MED14: variants seen among roughly 807,000 people sequenced by gnomAD.
MED14 encodes mediator complex subunit 14.
MED14 carries 8 observed loss-of-function variants against 109.0 expected under a neutral mutation model. The observed-to-expected ratio is 0.07, with a 90% confidence interval of 0.04 to 0.13. The LOEUF (loss-of-function observed/expected upper bound fraction) is 0.13, where lower values mean the gene tolerates loss of function less well. Ranked by LOEUF, MED14 falls within the 10% of genes least tolerant of loss-of-function variation. The probability of loss-of-function intolerance (pLI) is 1.00; values close to 1 mark genes in which losing one functional copy is unlikely to be tolerated. For missense variants in MED14, 711 were observed against 1,142.4 expected, an observed-to-expected ratio of 0.62 and a Z score of 5.44; for synonymous variants, 399 against 408.7, an observed-to-expected ratio of 0.98 and a Z score of 0.29.
At chrX:40,709,771 A>G (rs1281898918) in intron 9 of MED14, among the ~76,000 whole-genome samples, 2 of 111,807 alleles carry the variant, frequency 1.8e-5, no homozygotes, top group Non-Finnish European at 3.8e-5. Context: ...AAATTATAAA[A>G]TATGAAAGAA....
Position 40,650,565 on chromosome X carries a change from T to G in MED14, c.*1241A>C, listed in dbSNP as rs1051411138. ...AAGACCTTTGCATCAGACCATGTTC[T>G]TTGAAGCTTAAAAAAGTCCCTGACT... On this transcript the variant is annotated 3_prime_UTR_variant, in exon 31 of 31. Coordinates refer to ENST00000324817, the MANE Select transcript of MED14 (RefSeq NM_004229.4). 3.2e-5 allele frequency: 24 copies of G among 752,244 alleles called. No homozygotes were observed. In the African/African-American group the frequency reaches 3.3e-4, roughly 10 times the overall value. 62.0% of individuals were successfully genotyped at this position (752,244 alleles called of 1,213,427 possible).
At chrX:40,735,575 C>T, upstream of MED14, 1 of 553,531 alleles carries the variant, frequency 1.8e-6, no homozygotes, top group Non-Finnish European at 3.1e-6. Context: ...AGCCCGCCCC[C>T]ATGTAGCGAG....
chrX:40,691,354 C>A (rs1490580863), intron 15 of MED14, among the ~76,000 whole-genome samples: 1 of 112,091 alleles, frequency 8.9e-6, no homozygotes. Flanking sequence ...AAATAAGCCA[C>A]CTGGCTATCA....
chrX:40,668,802 G>T (rs1010753629), intron 23 of MED14, among the ~76,000 whole-genome samples: 2 of 111,692 alleles, frequency 1.8e-5, no homozygotes, highest in African/African-American at 6.5e-5. Context: ...AACACTCTTA[G>T]CAGTAGATTG....
intron 15 of MED14, among the ~76,000 whole-genome samples, chrX:40,689,970 T>C (rs1038219121): frequency 1.8e-5 from 2 of 111,966 alleles, no homozygotes; most frequent in Middle Eastern, 4.6e-3. Flanking sequence ...TTAACCTACG[T>C]AGGCCTACAA....
chrX:40,652,395 T>C (rs969564362), intron 30 of MED14, among the ~76,000 whole-genome samples: 6 of 111,985 alleles, frequency 5.4e-5, no homozygotes, highest in Non-Finnish European at 9.4e-5. Flanking sequence ...ACTTGTAATA[T>C]AGCTAGTGTG....
chrX:40,670,965 G>A (rs965339802), intron 23 of MED14, among the ~76,000 whole-genome samples: 7 of 111,462 alleles, frequency 6.3e-5, no homozygotes, highest in Non-Finnish European at 1.1e-4. Flanking sequence ...CTTTAGTTCA[G>A]TGGACTGATA....
chrX:40,705,331 G>A (rs1931097864), intron 10 of MED14, among the ~76,000 whole-genome samples: 1 of 111,847 alleles, frequency 8.9e-6, no homozygotes, highest in South Asian at 3.7e-4. Context: ...AACTAGTTCT[G>A]GGAATTGGGG....
chrX:40,710,976 G>A (rs1019400428), intron 8 of MED14, among the ~76,000 whole-genome samples, 193 bp downstream of exon 8: 20 of 111,879 alleles, frequency 1.8e-4, no homozygotes, highest in Admixed American at 1.6e-3. Context: ...CAGAACCCAC[G>A]TATAGGGAAG....
chrX:40,702,789 A>G (rs974218143), intron 11 of MED14, among the ~76,000 whole-genome samples: 2 of 111,815 alleles, frequency 1.8e-5, no homozygotes, highest in Admixed American at 1.9e-4. Context: ...CAGCCCATAG[A>G]AAAAAAATCT....
chrX:40,672,458 G>GCT (rs1309178096), intron 22 of MED14, among the ~76,000 whole-genome samples: 5 of 112,083 alleles, frequency 4.5e-5, no homozygotes, highest in Non-Finnish European at 9.4e-5. Flanking sequence ...AAATATGGTA[G>GCT]CTCAGCCTGA....
At chrX:40,673,428 C>A (rs772698363) in intron 22 of MED14, among the ~76,000 whole-genome samples, 12 of 111,971 alleles carry the variant, frequency 1.1e-4, no homozygotes, top group Non-Finnish European at 2.1e-4. Flanking sequence ...GCCAATCTAC[C>A]CACTTCTAAT....
rs368229899 is a variant in MED14 at position 40,728,478 on chromosome X, T to C, written c.242+841A>G. On this transcript the variant is annotated intron_variant, in intron 2 of 30. Coordinates refer to ENST00000324817, the MANE Select transcript of MED14 (RefSeq NM_004229.4). ...ATTCGATCAAAAAGTTAAGTTGGGG[T>C]TGGCAATGGAGTGTTGCCATTAAGA... Among the ~76,000 whole-genome samples the C allele has an allele frequency of 5.4e-5, 6 of 110,553 alleles. No homozygotes were observed. In the South Asian group the frequency reaches 2.3e-3, roughly 42 times the overall value.
At chrX:40,664,164 A>T in intron 25 of MED14, 143 bp downstream of exon 25, 1 of 505,286 alleles carries the variant, frequency 2.0e-6, no homozygotes, top group Non-Finnish European at 3.1e-6. Context: ...CCCCTTATGC[A>T]TCTCTTCATC....
chrX:40,712,383 A>T, intron 6 of MED14, 90 bp from the exon 7 acceptor site: 1 of 549,126 alleles, frequency 1.8e-6, no homozygotes, highest in South Asian at 5.2e-5. Flanking sequence ...AATAACAATG[A>T]ATTTTTTTAA....
Position 40,666,777 on chromosome X carries a change from G to A in MED14, c.3208C>T (p.Pro1070Ser), listed in dbSNP as rs1245028137. ...PSPASFVPTPPPSSHGISIGP... is the reference protein window; with the variant it reads ...PSPASFVPTPSPSSHGISIGP... ...ATTGAGATTCCATGCGAGGATGGGG[G>A]AGGAGTTGGAACAAATGACGCTGGT... Residue 1070 changes from proline (P) to serine (S), a missense_variant, in exon 24 of 31, where the codon CCC becomes TCC. Pro to Ser is a moderately conservative substitution (Grantham distance 74). This residue lies in a region of MED14 where 100 missense variants were observed against 147.5 expected (regional missense o/e 0.68). Coordinates refer to ENST00000324817, the MANE Select transcript of MED14 (RefSeq NM_004229.4). 2 of 1,201,399 alleles carry A rather than the reference G, an allele frequency of 1.7e-6. No individual in the cohort carries two copies. The highest frequency in any genetic ancestry group is 3.5e-5 in the African/African-American group (2 of 57,108).
intron 24 of MED14, among the ~76,000 whole-genome samples, chrX:40,665,598 T>C (rs1032195580): frequency 1.8e-5 from 2 of 112,019 alleles, no homozygotes; most frequent in Admixed American, 1.9e-4. Flanking sequence ...TCTTCACTAA[T>C]AAAGAAATAC....
intron 3 of MED14, among the ~76,000 whole-genome samples, chrX:40,720,830 C>T (rs1005708040): frequency 9.1e-6 from 1 of 109,316 alleles, no homozygotes; most frequent in Non-Finnish European, 1.9e-5. Context: ...GACAGGGTAC[C>T]GGGCAGAGTA....
rs1285919762 is a variant in MED14 at position 40,648,772 on chromosome X, T to C, written c.*3034A>G. On this transcript the variant is annotated 3_prime_UTR_variant, in exon 31 of 31. Transcript: ENST00000324817. Reference sequence around the variant, plus strand: ...GGAAGTGGAGGCAACTTGCAGAAAATTGTGAGCATACCATGGAGTTCCTGG... The same window carrying C: ...GGAAGTGGAGGCAACTTGCAGAAAACTGTGAGCATACCATGGAGTTCCTGG... 1 of 112,299 alleles carries C rather than the reference T, an allele frequency of 8.9e-6. No individual in the cohort carries two copies. The highest frequency in any genetic ancestry group is 2.8e-4 in the East Asian group (1 of 3,615). The allele number at this position is 112,299 out of a possible 1,213,427, so 9.3% of individuals were successfully genotyped here.
Sources: gnomAD v4.1 joint callset for allele counts (sites outside exome capture counted in the v4.1 genomes callset) on GRCh38, gnomAD v4.1.1 for gene constraint, gnomAD v4.1.1 regional missense constraint, MANE v1.5 for transcripts, NCBI Gene and HGNC (gene_info 2026-07-23, HGNC 2026-07-21) for gene names.